LIMK2: variants seen among roughly 807,000 people sequenced by gnomAD.
LIMK2 encodes LIM domain kinase 2.
LIMK2 carries 35 observed loss-of-function variants against 75.7 expected under a neutral mutation model. That is an observed-to-expected ratio of 0.46 (90% CI 0.35 to 0.61). The LOEUF (loss-of-function observed/expected upper bound fraction) is 0.61. Ranked by LOEUF, LIMK2 falls within the 20% of genes least tolerant of loss-of-function variation. The probability of loss-of-function intolerance (pLI) is 0.00; values close to 1 mark genes in which losing one functional copy is unlikely to be tolerated. For synonymous variants in LIMK2, 301 were observed against 319.2 expected (o/e 0.94, Z 0.61); for missense variants, 623 against 831.0 (o/e 0.75, Z 3.08).
chr22:31,258,211 C>T (rs2048803611), intron 2 of LIMK2, 80 bp from the exon 3 acceptor site: 3 of 1,441,690 alleles, frequency 2.1e-6, no homozygotes, highest in Non-Finnish European at 1.9e-6. Flanking sequence ...ATTTTGTTGT[C>T]ATACCTAGGA....
At chr22:31,275,412 T>G in intron 15 of LIMK2, 104 bp downstream of exon 15, 1 of 1,173,066 alleles carries the variant, frequency 8.5e-7, no homozygotes, top group South Asian at 1.4e-5. Flanking sequence ...GAGAGAAGCC[T>G]TGAGGTCAAG....
intron 2 of LIMK2, among the ~76,000 whole-genome samples, chr22:31,246,401 A>G (rs2048670771): frequency 6.6e-6 from 1 of 152,058 alleles, no homozygotes; most frequent in Admixed American, 6.5e-5. Flanking sequence ...TCTTTCCATA[A>G]GTAAATATCT....
rs1330757380 is a variant in LIMK2, at chr22:31,259,180, C to T, written c.312C>T (p.Ile104=). ...TTGCCTGTATGAGCTGCAAGGTGAT[C>T]ATTGAGGATGGGGATGCATATGCAC... ...ECFACMSCKV[I]IEDGDAYALV... is the part of the protein sequence containing the mutation. Residue 104 remains isoleucine, a synonymous_variant, in exon 4 of 16, where the codon ATC becomes ATT. Transcript: ENST00000331728. 1 of 1,613,794 alleles carries T rather than the reference C, an allele frequency of 6.2e-7. No homozygotes were observed.
rs768290994 is a variant in LIMK2, at chr22:31,225,792, A to G, written c.89A>G (p.Asn30Ser). The change falls in exon 2 of 16, where the codon AAC becomes AGC. Residue 30 changes from asparagine (N) to serine (S), a missense_variant. Asn to Ser is a conservative substitution (Grantham distance 46, BLOSUM62 1). Coordinates refer to ENST00000331728, the MANE Select transcript of LIMK2 (RefSeq NM_005569.4). ...APSQIWYRTVNETWHGSCFRC... is the reference protein window; with the variant it reads ...APSQIWYRTVSETWHGSCFRC... ...AGCCAGATATGGTACAGGACTGTCA[A>G]CGAAACCTGGCACGGCTCTTGCTTC... 9.3e-6 allele frequency: 15 copies of G among 1,613,912 alleles called. No homozygotes were observed. The highest frequency in any genetic ancestry group is 1.1e-5 in the Non-Finnish European group (13 of 1,179,918).
At chr22:31,220,763 G>GACC (rs1308812544) in intron 1 of LIMK2, among the ~76,000 whole-genome samples, 3 of 152,200 alleles carry the variant, frequency 2.0e-5, no homozygotes, top group Non-Finnish European at 4.4e-5. Flanking sequence ...GGGAGTTTGA[G>GACC]ACCAGCCTGA....
At chr22:31,219,180 T>C (rs2048412953) in intron 1 of LIMK2, among the ~76,000 whole-genome samples, 1 of 152,224 alleles carries the variant, frequency 6.6e-6, no homozygotes, top group African/African-American at 2.4e-5. Context: ...TTTGAATCCC[T>C]CCTGGACCAT....
intron 2 of LIMK2, chr22:31,230,305 A>C (rs974955529): frequency 6.6e-6 from 1 of 152,032 alleles, no homozygotes; most frequent in African/African-American, 2.4e-5. Context: ...AGGCCAGGAG[A>C]GTAGCCAGAG....
At chr22:31,233,258 AGTT>A (rs1490086433) in intron 2 of LIMK2, among the ~76,000 whole-genome samples, 1 of 152,308 alleles carries the variant, frequency 6.6e-6, no homozygotes, top group South Asian at 2.1e-4. Context: ...CACCTCAAAA[AGTT>A]GTTAACATTA....
Position 31,257,209 on chromosome 22 carries a change from GTACATCT to G in LIMK2, c.117-1077_117-1071del, listed in dbSNP as rs577798386. Among the ~76,000 whole-genome samples the G allele has an allele frequency of 3.2e-4, 48 of 151,866 alleles. 1 individual carries two copies. In the East Asian group the frequency reaches 9.3e-3, roughly 29 times the overall value. On this transcript the variant is annotated intron_variant, in intron 2 of 15. Transcript: ENST00000331728. ...GCCCAGCGAGCTATGGATCTAACAT[GTACATCT>G]TACACAGTGCTAATAGAATGTTGGG...
intron 11 of LIMK2, 53 bp from the exon 12 acceptor site, chr22:31,271,083 A>G: frequency 6.6e-7 from 1 of 1,519,326 alleles, no homozygotes; most frequent in Non-Finnish European, 9.1e-7. Context: ...TTCCAGATTC[A>G]GGGTCTAGTT....
intron 1 of LIMK2, among the ~76,000 whole-genome samples, chr22:31,219,446 A>C (rs1460850158): frequency 6.6e-6 from 1 of 152,246 alleles, no homozygotes; most frequent in East Asian, 1.9e-4. Flanking sequence ...AAAAGCAACA[A>C]ATTCCAATAA....
intron 2 of LIMK2, among the ~76,000 whole-genome samples, chr22:31,240,899 C>G (rs146302176): frequency 1.4e-4 from 21 of 152,274 alleles, no homozygotes; most frequent in African/African-American, 5.1e-4. Context: ...AAGCTACGTT[C>G]AGGATAAGAA....
At chr22:31,255,649 T>G (rs1030882905) in intron 2 of LIMK2, among the ~76,000 whole-genome samples, 12 of 152,192 alleles carry the variant, frequency 7.9e-5, no homozygotes, top group Non-Finnish European at 4.4e-5. Flanking sequence ...TTGTTGAGTT[T>G]TATTTAGACT....
chr22:31,265,190 T>TAA (rs2048880674), intron 7 of LIMK2, among the ~76,000 whole-genome samples: 1 of 13,920 alleles, frequency 7.2e-5, no homozygotes, highest in African/African-American at 1.0e-3. Flanking sequence ...TGAGACTCCA[T>TAA]CAAAAAAAAA....
At chr22:31,249,780 T>G (rs1019018987) in intron 2 of LIMK2, among the ~76,000 whole-genome samples, 1 of 152,090 alleles carries the variant, frequency 6.6e-6, no homozygotes, top group African/African-American at 2.4e-5. Flanking sequence ...GTGCACCATG[T>G]GGTTTTGTGG....
intron 1 of LIMK2, among the ~76,000 whole-genome samples, chr22:31,225,072 T>C (rs71331284): frequency 0.041 from 6,309 of 152,274 alleles, 210 homozygotes; most frequent in East Asian, 0.1. Flanking sequence ...AGAATCTCAC[T>C]AATGGCTGAT....
At chr22:31,266,777 G>A (rs1012183269) in intron 8 of LIMK2, among the ~76,000 whole-genome samples, 2 of 152,204 alleles carry the variant, frequency 1.3e-5, no homozygotes, top group South Asian at 2.1e-4. Flanking sequence ...TGTCCTCTGT[G>A]CATGCCCAGC....
rs531261770 is a variant in LIMK2, at chr22:31,239,171, A to G, written c.116+13352A>G. On this transcript the variant is annotated intron_variant, in intron 2 of 15. Transcript: ENST00000331728. ...CATGGGCATATACACGGCCAACTGTAGACTTTAGGCATTTATACCCATTCA... is the reference window on the plus strand; with the variant it reads ...CATGGGCATATACACGGCCAACTGTGGACTTTAGGCATTTATACCCATTCA... Among the ~76,000 whole-genome samples the G allele has an allele frequency of 2.6e-5, 4 of 152,376 alleles. No homozygotes were observed. The South Asian group carries it at 8.3e-4, about 32-fold the overall frequency.
chr22:31,230,790 A>G (rs1479326761), intron 2 of LIMK2, among the ~76,000 whole-genome samples: 1 of 152,200 alleles, frequency 6.6e-6, no homozygotes, highest in Non-Finnish European at 1.5e-5. Flanking sequence ...ACTGTGTTGT[A>G]ATATGTTGGC....
Sources: gnomAD v4.1 joint callset for allele counts (sites outside exome capture counted in the v4.1 genomes callset) on GRCh38, gnomAD v4.1.1 for gene constraint, MANE v1.5 for transcripts, NCBI Gene and HGNC (gene_info 2026-07-23, HGNC 2026-07-21) for gene names.